Variants in QRICH1 observed in about 807,000 individuals in gnomAD.
The protein encoded by QRICH1 is transcriptional regulator QRICH1.
A neutral mutation model predicts 87.1 loss-of-function variants in QRICH1; 16 were observed. That is an observed-to-expected ratio of 0.18 (90% confidence interval 0.12 to 0.28). The LOEUF (loss-of-function observed/expected upper bound fraction) is 0.28. Among genes scored for constraint, QRICH1 ranks in the 10% least tolerant of loss-of-function variants. The probability of loss-of-function intolerance (pLI) is 1.00; values close to 1 mark genes in which losing one functional copy is unlikely to be tolerated. For synonymous variants in QRICH1, 367 were observed against 368.4 expected (o/e 1.00, Z 0.05); for missense variants, 647 against 951.7 (o/e 0.68, Z 4.21).
At chr3:49,050,643 T>C (rs1202516773) in intron 3 of QRICH1, among the ~76,000 whole-genome samples, 4 of 151,968 alleles carry the variant, frequency 2.6e-5, no homozygotes, top group African/African-American at 7.3e-5. Flanking sequence ...AAGAAAATCT[T>C]TGGCATCAGT....
Position 49,057,960 on chromosome 3 carries a change from GAA to G in QRICH1, c.310-72_310-71del, listed in dbSNP as rs747011470. The G allele has an allele frequency of 3.7e-6, 6 of 1,611,242 alleles. No homozygotes were observed. The highest frequency in any genetic ancestry group is 2.2e-5 in the South Asian group (2 of 90,718). ...AAAATCCAGTACCCAAGGAAAGAAA[GAA>G]AAGAGATCCCAGACAGGGGACCTGC... is the stretch of plus-strand genomic sequence containing the variant. On this transcript the variant is annotated intron_variant, in intron 2 of 9. Coordinates refer to ENST00000395443, the MANE Select transcript of QRICH1 (RefSeq NM_198880.3). This position sits in a 1 kb window ranked among gnomAD's most constrained non-coding sequence, Gnocchi z 5.4.
chr3:49,041,339 ATGTGTGTGTGTGTG>A (rs34898562), intron 6 of QRICH1, among the ~76,000 whole-genome samples: 2 of 149,206 alleles, frequency 1.3e-5, no homozygotes, highest in Non-Finnish European at 3.0e-5. Context: ...GATATTTAAT[ATGTGTGTGTGTGTG>A]TGTGTGTGTT....
At chr3:49,062,507 C>G (rs1207779174) in intron 2 of QRICH1, among the ~76,000 whole-genome samples, 1 of 150,942 alleles carries the variant, frequency 6.6e-6, no homozygotes, top group African/African-American at 2.4e-5. Flanking sequence ...ATTACAGGCA[C>G]GCATCACCAT....
At chr3:49,055,312 G>A (rs920570462) in intron 3 of QRICH1, among the ~76,000 whole-genome samples, 2 of 152,136 alleles carry the variant, frequency 1.3e-5, no homozygotes, top group African/African-American at 4.8e-5. Context: ...TATGCCCACC[G>A]AGGCATAGCA....
chr3:49,033,250 CACA>C (rs1210929445), intron 6 of QRICH1, 22 bp from the exon 7 acceptor site: 16 of 1,444,442 alleles, frequency 1.1e-5, no homozygotes, highest in Non-Finnish European at 1.4e-5. Context: ...AGAGTACTGT[CACA>C]ACAAGAGGAT....
chr3:49,056,109 G>A (rs1024144466), intron 3 of QRICH1, among the ~76,000 whole-genome samples: 2 of 152,088 alleles, frequency 1.3e-5, no homozygotes, highest in East Asian at 3.8e-4. Context: ...CCGAGTAGCT[G>A]GGATTACAGG....
intron 1 of QRICH1, among the ~76,000 whole-genome samples, chr3:49,085,262 G>A (rs556482381): frequency 9.0e-4 from 137 of 151,594 alleles, no homozygotes; most frequent in African/African-American, 3.0e-3. Flanking sequence ...TAAACCGGCC[G>A]AAAGAGGTGG....
At chr3:49,052,180 C>T (rs1377674561) in intron 3 of QRICH1, among the ~76,000 whole-genome samples, 2 of 152,006 alleles carry the variant, frequency 1.3e-5, no homozygotes, top group Non-Finnish European at 2.9e-5. Flanking sequence ...GATGGTAGAA[C>T]CAACATGGCT....
At chr3:49,058,146 CA>C (rs1281525295) in intron 2 of QRICH1, 3,748 of 480,568 alleles carry the variant, frequency 7.8e-3, no homozygotes, top group South Asian at 0.011. Flanking sequence ...AAGGAAATAC[CA>C]AAAAAAAAAA....
At chr3:49,055,133 T>C (rs2093393485) in intron 3 of QRICH1, among the ~76,000 whole-genome samples, 2 of 152,226 alleles carry the variant, frequency 1.3e-5, no homozygotes, top group Admixed American at 6.5e-5. Context: ...AACAGCTAGA[T>C]ATTTAGCAGG....
In QRICH1 at chr3:49,070,101, G is replaced by A. The variant is rs140903555; in HGVS notation, c.309+6608C>T. ...TGCCCAGTCTGGAGTGCAATGGTAC[G>A]ATCTCAGCTCACTGCAACCTTGGCT... On this transcript the variant is annotated intron_variant, in intron 2 of 9. Coordinates refer to ENST00000395443, the MANE Select transcript of QRICH1 (RefSeq NM_198880.3). 4.6e-4 allele frequency among the ~76,000 whole-genome samples: 70 copies of A among 151,490 alleles called. No homozygotes were observed. The East Asian group carries it at 0.011, about 24-fold the overall frequency.
At chr3:49,066,981 T>C (rs1331907389) in intron 2 of QRICH1, among the ~76,000 whole-genome samples, 1 of 151,720 alleles carries the variant, frequency 6.6e-6, no homozygotes, top group Non-Finnish European at 1.5e-5. Flanking sequence ...GAGGTTGCAG[T>C]GAGCCGAGAA....
intron 3 of QRICH1, among the ~76,000 whole-genome samples, chr3:49,051,299 A>G (rs1019541288): frequency 1.3e-5 from 2 of 152,138 alleles, no homozygotes; most frequent in Non-Finnish European, 2.9e-5. Flanking sequence ...CCTTTCTGGC[A>G]CATCCAACAA....
intron 6 of QRICH1, among the ~76,000 whole-genome samples, chr3:49,034,027 C>A (rs574770056): frequency 6.6e-6 from 1 of 151,316 alleles, no homozygotes; most frequent in Non-Finnish European, 1.5e-5. Flanking sequence ...ACAAAAAAAA[C>A]GGCTATTGTC....
chr3:49,050,248 CA>C (rs527597101), intron 3 of QRICH1, among the ~76,000 whole-genome samples: 69 of 52,410 alleles, frequency 1.3e-3, no homozygotes, highest in South Asian at 0.01. Flanking sequence ...GACTCCGTCT[CA>C]AAAAAAAAAA....
chr3:49,056,751 T>C lies in QRICH1; in HGVS notation c.1338+111A>G, dbSNP rs988019557. On this transcript the variant is annotated intron_variant, in intron 3 of 9. Coordinates refer to ENST00000395443, the MANE Select transcript of QRICH1 (RefSeq NM_198880.3). ...CTTCTCCCAAATACTAAATACTGCA[T>C]CACTGTAAGAGTAACAGCAGTAAAT... 21 of 1,503,004 alleles carry C rather than the reference T, an allele frequency of 1.4e-5. No homozygotes were observed. The African/African-American group carries it at 1.5e-4, about 11-fold the overall frequency. The allele number at this position is 1,503,004 out of a possible 1,614,324, so 93.1% of individuals were successfully genotyped here.
chr3:49,051,254 A>C (rs1396715368), intron 3 of QRICH1, among the ~76,000 whole-genome samples: 1 of 152,164 alleles, frequency 6.6e-6, no homozygotes, highest in African/African-American at 2.4e-5. Context: ...TGAAAGGGTC[A>C]AATGCAATGG....
intron 2 of QRICH1, among the ~76,000 whole-genome samples, chr3:49,074,972 C>T (rs967507950): frequency 6.6e-6 from 1 of 151,856 alleles, no homozygotes; most frequent in African/African-American, 2.4e-5. Context: ...GAGCGAGACT[C>T]CATCTTAAAT....
intron 9 of QRICH1, among the ~76,000 whole-genome samples, chr3:49,031,573 T>C (rs1463289921): frequency 6.6e-6 from 1 of 151,840 alleles, no homozygotes; most frequent in Non-Finnish European, 1.5e-5. Context: ...AAATACAAAA[T>C]AAAAAACAGT....
Sources: allele counts gnomAD v4.1 joint callset (sites outside exome capture counted in the v4.1 genomes callset), GRCh38; gene constraint gnomAD v4.1.1; non-coding constraint Gnocchi (gnomAD v3.1); transcripts MANE v1.5; gene names NCBI Gene and HGNC (gene_info 2026-07-23, HGNC 2026-07-21).